Variants in ZNF709 observed in about 807,000 individuals in gnomAD.
ZNF709 encodes the protein zinc finger protein 709.
Under a neutral mutation model 10.6 loss-of-function variants are expected in ZNF709, and 15 were observed. The observed-to-expected ratio is 1.41, with a 90% confidence interval of 0.95 to 2.18. The LOEUF (loss-of-function observed/expected upper bound fraction) is 2.18, where lower values mean the gene tolerates loss of function less well. Among genes scored for constraint, ZNF709 ranks in the 30% most tolerant of loss-of-function variants. The pLI is 0.00. For synonymous variants in ZNF709, 194 were observed against 238.8 expected (o/e 0.81, Z 1.73); for missense variants, 589 against 774.0 (o/e 0.76, Z 2.84).
At position 12,465,451 on chromosome 19, in the gene ZNF709, T is replaced by C; in HGVS notation, c.471A>G (p.Ile157Met). 1 of 1,611,478 alleles carries C rather than the reference T, an allele frequency of 6.2e-7. No homozygotes were observed. Among genetic ancestry groups the C allele is most frequent in the East Asian group, 2.2e-5 (1 of 44,862 alleles). ...KRFSFRSSFR[I>M]HERTHTGEKP... Reference sequence around the variant, plus strand: ...TCTCTCCAGTGTGAGTTCTTTCATGTATTCGAAATGAACTTCGAAAGCTGA... The same window carrying C: ...TCTCTCCAGTGTGAGTTCTTTCATGCATTCGAAATGAACTTCGAAAGCTGA... The change falls in exon 4 of 4, where the codon ATA becomes ATG. Residue 157 changes from isoleucine (I) to methionine (M), a missense_variant. Ile to Met is a conservative substitution (Grantham distance 10). Coordinates refer to ENST00000397732, the MANE Select transcript of ZNF709 (RefSeq NM_152601.4).
At position 12,467,256 on chromosome 19, in the gene ZNF709, G is replaced by A. The variant is rs546954063; in HGVS notation, c.4-406C>T. Among the ~76,000 whole-genome samples, 6 of 152,306 alleles carry A rather than the reference G, an allele frequency of 3.9e-5. No individual in the cohort carries two copies. In the South Asian group the frequency reaches 1.0e-3, roughly 26 times the overall value. On this transcript the variant is annotated intron_variant, in intron 1 of 3. Transcript: ENST00000397732. ...CTCCCTGCCTGATTCTCCTGCCTCA[G>A]CCTGCCGAGTGCCTGCGATTGCAGG...
intron 1 of ZNF709, among the ~76,000 whole-genome samples, chr19:12,483,746 C>A (rs1970751981): frequency 6.6e-6 from 1 of 152,054 alleles, no homozygotes; most frequent in Non-Finnish European, 1.5e-5. Context: ...GCCATGTTGG[C>A]TGGGCTGTAG....
chr19:12,466,594 T>A, intron 2 of ZNF709, 75 bp from the exon 3 acceptor site: 1 of 1,599,476 alleles, frequency 6.3e-7, no homozygotes, highest in East Asian at 2.2e-5. Flanking sequence ...AAATCTAGGA[T>A]GAGCTGTTAT....
rs1177206614 is a variant in ZNF709, at chr19:12,466,537, A to G, written c.131-18T>C. 1 of 1,613,782 alleles carries G rather than the reference A, an allele frequency of 6.2e-7. No individual in the cohort carries two copies. The highest frequency in any genetic ancestry group is 8.5e-7 in the Non-Finnish European group (1 of 1,179,814). On this transcript the variant is annotated intron_variant, in intron 2 of 3. Coordinates refer to ENST00000397732, the MANE Select transcript of ZNF709 (RefSeq NM_152601.4). Reference sequence around the variant, plus strand: ...GTTTTCCCCTAAAATGCAGGCCCAGAAAAATCATTAAACCTATTCGAAATT... The same window carrying G: ...GTTTTCCCCTAAAATGCAGGCCCAGGAAAATCATTAAACCTATTCGAAATT...
chr19:12,466,508 C>T lies in ZNF709; in HGVS notation c.142G>A (p.Glu48Lys), dbSNP rs762668403. The T allele has an allele frequency of 1.9e-6, 3 of 1,614,064 alleles. No individual in the cohort carries two copies. Among genetic ancestry groups the T allele is most frequent in the Admixed American group, 3.3e-5 (2 of 60,008 alleles). The change falls in exon 3 of 4, where the codon GAG (glutamate) becomes AAG (lysine). Residue 48 changes from glutamate (E) to lysine (K), a missense_variant. Transcript: ENST00000397732. ...TTGTGATCTTCAATGTTCTTCTCCT[C>T]CCAGTTTTCCCCTAAAATGCAGGCC... The part of the protein sequence containing the change: ...VNLASIGENW[E>K]EKNIEDHKNQ...
chr19:12,483,193 T>G (rs963793912), intron 1 of ZNF709, among the ~76,000 whole-genome samples: 1 of 151,974 alleles, frequency 6.6e-6, no homozygotes, highest in African/African-American at 2.4e-5. Flanking sequence ...CAGCCTGGAG[T>G]GCAGTGGCAT....
At chr19:12,466,604 T>C (rs1272814191) in intron 2 of ZNF709, 85 bp from the exon 3 acceptor site, 11 of 1,604,374 alleles carry the variant, frequency 6.9e-6, no homozygotes, top group East Asian at 2.2e-5. Context: ...TGAGCTGTTA[T>C]CCTGTCTGAT....
rs372198426 is a variant in ZNF709 at position 12,484,637 on chromosome 19, C to T, written c.3+18G>A. ...GCCCCTCTCTCCCATCTCAAGACCCCCAGCCCCGCACACTTACCATTTCCC... is the reference window on the plus strand; with the variant it reads ...GCCCCTCTCTCCCATCTCAAGACCCTCAGCCCCGCACACTTACCATTTCCC... On this transcript the variant is annotated intron_variant, in intron 1 of 3. Coordinates refer to ENST00000397732, the MANE Select transcript of ZNF709 (RefSeq NM_152601.4). 4 of 1,613,948 alleles carry T rather than the reference C, an allele frequency of 2.5e-6. No individual in the cohort carries two copies. The highest frequency in any genetic ancestry group is 2.5e-6 in the Non-Finnish European group (3 of 1,179,942).
At chr19:12,484,147 C>A (rs1970756745) in intron 1 of ZNF709, among the ~76,000 whole-genome samples, 1 of 152,180 alleles carries the variant, frequency 6.6e-6, no homozygotes, top group South Asian at 2.1e-4. Context: ...TGAAAGAGAT[C>A]TAGAAATTTA....
intron 1 of ZNF709, 65 bp from the exon 2 acceptor site, chr19:12,466,915 G>A (rs1176007380): frequency 6.6e-7 from 1 of 1,525,136 alleles, no homozygotes; most frequent in East Asian, 2.4e-5. Flanking sequence ...TATAAACTCA[G>A]TTCATTAAAA....
chr19:12,472,928 C>T (rs1000145934), intron 1 of ZNF709, among the ~76,000 whole-genome samples: 1 of 151,852 alleles, frequency 6.6e-6, no homozygotes, highest in Non-Finnish European at 1.5e-5. Context: ...CTTGATACAG[C>T]CAAATGAAAT....
rs1368757434 is a variant in ZNF709 at position 12,461,936 on chromosome 19, G to A, written c.*2060C>T. 6.6e-6 allele frequency: 1 copy of A among 152,224 alleles called. No individual in the cohort carries two copies. Among genetic ancestry groups the A allele is most frequent in the East Asian group, 1.9e-4 (1 of 5,196 alleles). The allele number at this position is 152,224 out of a possible 1,614,324, so 9.4% of individuals were successfully genotyped here. On this transcript the variant is annotated 3_prime_UTR_variant, in exon 4 of 4. Transcript: ENST00000397732. ...TACAAAAAAAATTTAGCTGGGCTTG[G>A]TGGTGGGCACCTATAATCCCAGCTA... is the stretch of plus-strand genomic sequence containing the variant.
chr19:12,483,451 G>C (rs1970748577), intron 1 of ZNF709, among the ~76,000 whole-genome samples: 5 of 151,744 alleles, frequency 3.3e-5, no homozygotes, highest in African/African-American at 1.2e-4. Flanking sequence ...AACGCTCCTA[G>C]CTTGATATTT....
In ZNF709 at chr19:12,465,036, G is replaced by A. The variant is rs1262248584; in HGVS notation, c.886C>T (p.Arg296Ter). ...CCAGTGTGAATCCTTTCATGACTTC[G>A]AAAGGATGTGGGACAACTAAGAGCT... ...GKALSCPTSF[R>*]SHERIHTGEK... Residue 296 changes from arginine to a stop codon, truncating the protein, a stop_gained, in exon 4 of 4, where the codon CGA becomes TGA. Transcript: ENST00000397732. LOFTEE classifies it low-confidence loss of function (END_TRUNC). The A allele has an allele frequency of 3.7e-6, 6 of 1,612,170 alleles. No individual in the cohort carries two copies. The highest frequency in any genetic ancestry group is 1.3e-5 in the African/African-American group (1 of 74,720).
rs984678037 is a variant in ZNF709, at chr19:12,473,479, G to A, written c.4-6629C>T. Among the ~76,000 whole-genome samples, 8 of 152,258 alleles carry A rather than the reference G, an allele frequency of 5.3e-5. No homozygotes were observed. The East Asian group carries it at 1.3e-3, about 26-fold the overall frequency. ...TGAAGCAGGATGGAGATAAGCCAGA[G>A]GAGAACATCAATAGACTAATTAATG... is the stretch of plus-strand genomic sequence containing the variant. On this transcript the variant is annotated intron_variant, in intron 1 of 3. Transcript: ENST00000397732.
At position 12,464,568 on chromosome 19, in the gene ZNF709, G is replaced by A; in HGVS notation, c.1354C>T (p.Gln452Ter). Reference sequence around the variant, plus strand: ...GAACAACTGAAGGCTTTACCACACTGTTTACATTCATAGGGTTTCTCTCCA... The same window carrying A: ...GAACAACTGAAGGCTTTACCACACTATTTACATTCATAGGGTTTCTCTCCA... ...HTGEKPYECK[Q>*]CGKAFSCSSS... The change falls in exon 4 of 4, where the codon CAG becomes TAG. Residue 452 changes from glutamine (Q) to a stop codon, truncating the protein, a stop_gained. Coordinates refer to ENST00000397732, the MANE Select transcript of ZNF709 (RefSeq NM_152601.4). LOFTEE classifies it low-confidence loss of function (END_TRUNC). 1 of 1,612,506 alleles carries A rather than the reference G, an allele frequency of 6.2e-7. No homozygotes were observed.
intron 1 of ZNF709, among the ~76,000 whole-genome samples, chr19:12,467,225 T>A (rs1970579845): frequency 6.6e-6 from 1 of 152,222 alleles, no homozygotes; most frequent in Admixed American, 6.5e-5. Context: ...CTCGGCACAC[T>A]GCAACCTCCC....
At chr19:12,474,443 TG>T (rs1169730065) in intron 1 of ZNF709, among the ~76,000 whole-genome samples, 2 of 152,232 alleles carry the variant, frequency 1.3e-5, no homozygotes, top group African/African-American at 4.8e-5. Context: ...ACATTTAGGT[TG>T]TTTACATATC....
At chr19:12,470,466 TA>T (rs1245308475) in intron 1 of ZNF709, among the ~76,000 whole-genome samples, 1 of 152,158 alleles carries the variant, frequency 6.6e-6, no homozygotes, top group Non-Finnish European at 1.5e-5. Context: ...CTGTTAACAT[TA>T]GTAAAATGTT....
Sources: gnomAD v4.1 joint callset for allele counts (sites outside exome capture counted in the v4.1 genomes callset) on GRCh38, gnomAD v4.1.1 for gene constraint, MANE v1.5 for transcripts, NCBI Gene and HGNC (gene_info 2026-07-23, HGNC 2026-07-21) for gene names.